The following DRC12 variants were observed in gnomAD, a reference collection of about 807,000 sequenced individuals.
DRC12 encodes dynein regulatory complex subunit 12 homolog, also known as dynein regulatory complex protein 12.
chr11:119,194,627 G>A, the DRC12 span, among the ~76,000 whole-genome samples: 3 of 150,030 alleles, frequency 2.0e-5, no homozygotes, highest in East Asian at 1.9e-4. Context: ...AGATTGTTGC[G>A]GCCCAGGAGT....
At chr11:119,190,781 G>C in the DRC12 span, 2 of 1,614,072 alleles carry the variant, frequency 1.2e-6, no homozygotes, top group Admixed American at 3.3e-5. This position sits in a 1 kb window ranked among gnomAD's most constrained non-coding sequence, Gnocchi z 4.2. Context: ...GCCTGGTCCC[G>C]CTCTCCGAGA....
At chr11:119,193,127 G>C in the DRC12 span, 71 of 1,597,608 alleles carry the variant, frequency 4.4e-5, no homozygotes, top group Non-Finnish European at 5.8e-5. Context: ...GGAGAGAAGG[G>C]GCTTGGAGGG....
chr11:119,193,020 C>T, the DRC12 span: 80 of 786,986 alleles, frequency 1.0e-4, 1 homozygote, highest in Non-Finnish European at 9.4e-5. Context: ...GGAGGGTCAG[C>T]GAAAGTGGGG....
the DRC12 span, chr11:119,193,000 C>T: frequency 8.7e-6 from 6 of 689,620 alleles, no homozygotes; most frequent in Non-Finnish European, 1.6e-5. Context: ...CTGCTGCAGT[C>T]CTCAGTGGTG....
At chr11:119,191,418 G>A in the DRC12 span, among the ~76,000 whole-genome samples, 1 of 151,984 alleles carries the variant, frequency 6.6e-6, no homozygotes, top group Non-Finnish European at 1.5e-5. Flanking sequence ...TCTGTAAAGA[G>A]AGAATGACAC....
the DRC12 span, among the ~76,000 whole-genome samples, chr11:119,192,466 C>T: frequency 2.0e-5 from 3 of 152,030 alleles, no homozygotes; most frequent in Non-Finnish European, 2.9e-5. Context: ...TAGGATCTAC[C>T]AGATGCTAGG....
chr11:119,190,844 G>C, the DRC12 span: 1 of 1,610,222 alleles, frequency 6.2e-7, no homozygotes, highest in Non-Finnish European at 8.5e-7. The surrounding 1 kb of genome is among the most constrained non-coding windows in gnomAD (Gnocchi z 4.2). Context: ...CATGCCTCTG[G>C]GGGCAGGCAG....
chr11:119,192,793 T>C, the DRC12 span, among the ~76,000 whole-genome samples: 3 of 152,244 alleles, frequency 2.0e-5, no homozygotes, highest in Non-Finnish European at 4.4e-5. Flanking sequence ...ATTACAGGTG[T>C]GCGCCACCAC....
the DRC12 span, among the ~76,000 whole-genome samples, chr11:119,192,246 G>C: frequency 6.6e-6 from 1 of 152,172 alleles, no homozygotes; most frequent in Non-Finnish European, 1.5e-5. Context: ...AAAGTGCTGG[G>C]ATTACAGGGG....
At chr11:119,191,163 G>C in the DRC12 span, among the ~76,000 whole-genome samples, 1 of 150,698 alleles carries the variant, frequency 6.6e-6, no homozygotes, top group Non-Finnish European at 1.5e-5. Context: ...GCAGTGGCGC[G>C]ATCTCAGCTC....
chr11:119,195,305 T>C, the DRC12 span: 1 of 879,402 alleles, frequency 1.1e-6, no homozygotes, highest in Non-Finnish European at 1.8e-6. Flanking sequence ...ATGAAAGAGG[T>C]AGGTCAAGAG....
At chr11:119,194,385 G>A in the DRC12 span, among the ~76,000 whole-genome samples, 8 of 151,700 alleles carry the variant, frequency 5.3e-5, no homozygotes, top group Admixed American at 2.6e-4. Flanking sequence ...TGGTGGCCAC[G>A]TGCCTGTAAT....
At chr11:119,190,925 T>G in the DRC12 span, 1 of 1,483,116 alleles carries the variant, frequency 6.7e-7, no homozygotes, top group Non-Finnish European at 9.0e-7. This position sits in a 1 kb window ranked among gnomAD's most constrained non-coding sequence, Gnocchi z 4.2. Context: ...AAAGGAGACC[T>G]CAAATGGGCT....
the DRC12 span, chr11:119,195,484 G>C: frequency 1.9e-6 from 3 of 1,551,012 alleles, no homozygotes; most frequent in South Asian, 2.4e-5. Context: ...TTTTTAGGTG[G>C]CATCTCCTTG....
At chr11:119,194,939 C>T in the DRC12 span, 1 of 1,551,518 alleles carries the variant, frequency 6.4e-7, no homozygotes, top group Non-Finnish European at 8.7e-7. Flanking sequence ...GGTCTCGGAG[C>T]AGCTCCTTCT....
chr11:119,192,814 T>A, the DRC12 span, among the ~76,000 whole-genome samples: 1 of 152,106 alleles, frequency 6.6e-6, no homozygotes, highest in African/African-American at 2.4e-5. Flanking sequence ...ATCCGGCTAA[T>A]TTTTATATTT....
chr11:119,191,977 C>CTTTTT, the DRC12 span, among the ~76,000 whole-genome samples: 1 of 137,338 alleles, frequency 7.3e-6, no homozygotes, highest in African/African-American at 2.7e-5. Context: ...AACCGAAGGC[C>CTTTTT]TTTTTTTTTT....
At chr11:119,192,261 C>G in the DRC12 span, among the ~76,000 whole-genome samples, 1 of 152,144 alleles carries the variant, frequency 6.6e-6, no homozygotes, top group Non-Finnish European at 1.5e-5. Context: ...CAGGGGTGAG[C>G]CACCGCACCC....
chr11:119,193,664 G>T, the DRC12 span: 1 of 1,503,350 alleles, frequency 6.7e-7, no homozygotes, highest in African/African-American at 1.4e-5. Flanking sequence ...AGGCCTGGCA[G>T]TCGGAAGCCC....
Sources: allele counts gnomAD v4.1 joint callset (sites outside exome capture counted in the v4.1 genomes callset), GRCh38; gene constraint gnomAD v4.1.1; non-coding constraint Gnocchi (gnomAD v3.1); transcripts MANE v1.5; gene names NCBI Gene and HGNC (gene_info 2026-07-23, HGNC 2026-07-21).